CTNNA3: variants seen among roughly 807,000 people sequenced by gnomAD.
CTNNA3 encodes catenin alpha 3.
Under a neutral mutation model 95.7 loss-of-function variants are expected in CTNNA3, and 76 were observed. That is an observed-to-expected ratio of 0.79 (90% CI 0.66 to 0.96). The LOEUF is 0.96. CTNNA3 is among the 40% of genes least tolerant of loss of function. CTNNA3 has a pLI of 0.00. For synonymous variants in CTNNA3, 431 were observed against 374.4 expected (o/e 1.15, Z -1.74); for missense variants, 1,191 against 1,089.8 (o/e 1.09, Z -1.31).
intron 12 of CTNNA3, among the ~76,000 whole-genome samples, chr10:66,299,924 G>A (rs1450405829): frequency 1.4e-4 from 21 of 152,000 alleles, no homozygotes; most frequent in South Asian, 6.2e-4. Flanking sequence ...ATGGAGTCTC[G>A]CTCTGTTGCC....
At chr10:65,990,844 A>G (rs1420892228) in intron 15 of CTNNA3, among the ~76,000 whole-genome samples, 1 of 152,066 alleles carries the variant, frequency 6.6e-6, no homozygotes, top group Non-Finnish European at 1.5e-5. Context: ...GTCTAGACCA[A>G]TGACCTGAAG....
chr10:67,080,909 AAAAAAAAC>A (rs71006123), intron 7 of CTNNA3, among the ~76,000 whole-genome samples: 25 of 148,182 alleles, frequency 1.7e-4, no homozygotes, highest in Admixed American at 2.7e-4. Flanking sequence ...ACTCTGTCTG[AAAAAAAAC>A]AAAAAAACAA....
At chr10:66,989,046 C>T (rs1041509736) in intron 7 of CTNNA3, among the ~76,000 whole-genome samples, 44 of 151,950 alleles carry the variant, frequency 2.9e-4, no homozygotes, top group African/African-American at 1.0e-3. Context: ...AGTCTCGTTA[C>T]CTCTCATAGC....
At chr10:66,378,042 A>G (rs1363087005) in intron 12 of CTNNA3, among the ~76,000 whole-genome samples, 1 of 152,138 alleles carries the variant, frequency 6.6e-6, no homozygotes, top group Non-Finnish European at 1.5e-5. Flanking sequence ...TTTGTTTATC[A>G]ACTTGCTAGA....
At chr10:66,263,980 G>A (rs2091081993) in intron 13 of CTNNA3, among the ~76,000 whole-genome samples, 1 of 151,506 alleles carries the variant, frequency 6.6e-6, no homozygotes, top group South Asian at 2.1e-4. Flanking sequence ...TCCTTTGTTA[G>A]CTCCTCCTCT....
chr10:66,997,243 G>C (rs1426861216), intron 7 of CTNNA3, among the ~76,000 whole-genome samples: 1 of 152,040 alleles, frequency 6.6e-6, no homozygotes, highest in East Asian at 1.9e-4. Context: ...CCTATTCATA[G>C]GCAGAGGTCT....
At chr10:66,706,518 C>A (rs1848123322) in intron 9 of CTNNA3, among the ~76,000 whole-genome samples, 1 of 151,620 alleles carries the variant, frequency 6.6e-6, no homozygotes, top group African/African-American at 2.4e-5. Flanking sequence ...ATAAACACAC[C>A]AAACAGCAGT....
chr10:66,809,676 TTAAAGGA>T (rs1841797434), intron 7 of CTNNA3, among the ~76,000 whole-genome samples: 1 of 152,342 alleles, frequency 6.6e-6, no homozygotes, highest in Admixed American at 6.5e-5. Flanking sequence ...GTGTCTTATA[TTAAAGGA>T]TCAATCTTCA....
chr10:66,309,191 A>G (rs934884945), intron 12 of CTNNA3, among the ~76,000 whole-genome samples: 1 of 152,140 alleles, frequency 6.6e-6, no homozygotes, highest in Non-Finnish European at 1.5e-5. Flanking sequence ...AAGTTTATGA[A>G]CCTTTCTCAG....
chr10:67,618,195 G>A (rs1843716858), intron 2 of CTNNA3, among the ~76,000 whole-genome samples: 2 of 152,102 alleles, frequency 1.3e-5, no homozygotes, highest in African/African-American at 2.4e-5. Flanking sequence ...ACCTTTGACT[G>A]CTTAAAGGAA....
At chr10:67,416,386 T>C (rs1279792625) in intron 5 of CTNNA3, among the ~76,000 whole-genome samples, 1 of 150,816 alleles carries the variant, frequency 6.6e-6, no homozygotes, top group Non-Finnish European at 1.5e-5. Flanking sequence ...AGGAGGGTGG[T>C]TCACGAGGTC....
intron 16 of CTNNA3, among the ~76,000 whole-genome samples, chr10:65,973,961 A>G (rs1297452113): frequency 6.6e-6 from 1 of 152,206 alleles, no homozygotes; most frequent in African/African-American, 2.4e-5. Flanking sequence ...TCAAAAGAAG[A>G]CATACAAGTG....
chr10:66,749,884 T>C (rs914037256), intron 9 of CTNNA3, among the ~76,000 whole-genome samples: 4 of 152,254 alleles, frequency 2.6e-5, no homozygotes, highest in African/African-American at 9.6e-5. Context: ...CACTTGGTAT[T>C]GCCAGTATCT....
chr10:67,147,085 T>G lies in CTNNA3; in HGVS notation c.1047+33232A>C, dbSNP rs374512053. 4.6e-5 allele frequency among the ~76,000 whole-genome samples: 7 copies of G among 152,286 alleles called. No individual in the cohort carries two copies. The East Asian group carries it at 5.8e-4, about 13-fold the overall frequency. On this transcript the variant is annotated intron_variant, in intron 7 of 17. Coordinates refer to ENST00000433211, the MANE Select transcript of CTNNA3 (RefSeq NM_013266.4). Reference sequence around the variant, plus strand: ...ACTTTTCTCAAAACATCCCCACTGTTAAGCAACACATGACTATACATCCAC... The same window carrying G: ...ACTTTTCTCAAAACATCCCCACTGTGAAGCAACACATGACTATACATCCAC...
chr10:67,332,915 T>C (rs1018154985), intron 5 of CTNNA3, among the ~76,000 whole-genome samples: 2 of 152,154 alleles, frequency 1.3e-5, no homozygotes, highest in African/African-American at 4.8e-5. Context: ...GCATTCTTTA[T>C]ATGACTCTTT....
At chr10:66,854,965 G>T (rs1025245709) in intron 7 of CTNNA3, among the ~76,000 whole-genome samples, 9 of 151,816 alleles carry the variant, frequency 5.9e-5, no homozygotes, top group African/African-American at 1.7e-4. Context: ...TACATAACTT[G>T]CAAGGTCCTT....
intron 5 of CTNNA3, among the ~76,000 whole-genome samples, chr10:67,269,522 A>T (rs1838868055): frequency 1.3e-5 from 2 of 152,082 alleles, no homozygotes; most frequent in Non-Finnish European, 2.9e-5. Flanking sequence ...AGCTCTGTAA[A>T]CTCTGTTTAT....
rs985404830 is a variant in CTNNA3, at chr10:66,086,847, G to A, written c.1977+16310C>T. Among the ~76,000 whole-genome samples the A allele has an allele frequency of 4.6e-5, 7 of 152,202 alleles. No individual in the cohort carries two copies. The East Asian group carries it at 1.4e-3, about 29-fold the overall frequency. On this transcript the variant is annotated intron_variant, in intron 14 of 17. Coordinates refer to ENST00000433211, the MANE Select transcript of CTNNA3 (RefSeq NM_013266.4). ...GGTGTGCGCTACTGGTGATAGAGTA[G>A]TAAGAAATTATTTAGGCAGTTAGTG...
chr10:66,622,229 T>C lies in CTNNA3; in HGVS notation c.1282-445A>G, dbSNP rs139245012. On this transcript the variant is annotated intron_variant, in intron 9 of 17. Transcript: ENST00000433211. Reference sequence around the variant, plus strand: ...AGTTGCATTAAGTATGACTGTATCTTTATACATTTTGTTTGCATCAAATAT... The same window carrying C: ...AGTTGCATTAAGTATGACTGTATCTCTATACATTTTGTTTGCATCAAATAT... Among the ~76,000 whole-genome samples the C allele has an allele frequency of 2.6e-3, 401 of 152,282 alleles. 4 individuals are homozygous for C. The highest frequency in any genetic ancestry group is 4.6e-3 in the Admixed American group (71 of 15,296).
Sources: allele counts gnomAD v4.1 joint callset (sites outside exome capture counted in the v4.1 genomes callset), GRCh38; gene constraint gnomAD v4.1.1; transcripts MANE v1.5; gene names NCBI Gene and HGNC (gene_info 2026-07-23, HGNC 2026-07-21).